TNNI3: variants seen among roughly 807,000 people sequenced by gnomAD.
TNNI3 encodes troponin I3, cardiac type, also known as troponin I, cardiac muscle.
In TNNI3, 23 loss-of-function variants were observed where a neutral mutation model predicts 31.5. The ratio of observed to expected loss-of-function variants is 0.73; its 90% CI spans 0.52 to 1.03. The LOEUF (loss-of-function observed/expected upper bound fraction) is 1.03, where lower values mean the gene tolerates loss of function less well. Ranked by LOEUF, TNNI3 falls within the 50% of genes least tolerant of loss-of-function variation. TNNI3 has a pLI of 0.00. For missense variants in TNNI3, 236 were observed against 282.9 expected (o/e 0.83, Z 1.19); for synonymous variants, 120 against 111.7 (o/e 1.07, Z -0.47).
Position 55,156,530 on chromosome 19 carries a change from G to GA in TNNI3, c.150+72dup. 6.3e-6 allele frequency: 8 copies of GA among 1,273,472 alleles called. No homozygotes were observed. Among genetic ancestry groups the GA allele is most frequent in the Non-Finnish European group, 8.3e-6 (8 of 962,664 alleles). 78.9% of individuals were successfully genotyped at this position (1,273,472 alleles called of 1,614,324 possible). On this transcript the variant is annotated intron_variant, in intron 4 of 7. Coordinates refer to ENST00000344887, the MANE Select transcript of TNNI3 (RefSeq NM_000363.5). The surrounding 1 kb of genome is among the most constrained non-coding windows in gnomAD (Gnocchi z 4.6). ...CCGCCCACTTCCGCCCACCTACCCC[G>GA]AAAGCCCCACCCATTCTCAAGCTCC...
At chr19:55,153,684 C>T (rs1173723717) in intron 7 of TNNI3, among the ~76,000 whole-genome samples, 1 of 3,836 alleles carries the variant, frequency 2.6e-4, no homozygotes, top group Admixed American at 4.1e-3. Flanking sequence ...CTCCAGCAAC[C>T]GAGATGGTGT....
rs1377313744 is a variant in TNNI3, at chr19:55,152,097, C to G, written c.550-180G>C. On this transcript the variant is annotated intron_variant, in intron 7 of 7. Coordinates refer to ENST00000344887, the MANE Select transcript of TNNI3 (RefSeq NM_000363.5). The surrounding 1 kb of genome is among the most constrained non-coding windows in gnomAD (Gnocchi z 4.0). ...CCAATTTTCCCCATGCACTTCCTGTCTCCCTCATGCACTTCCTGTCCCCCT... is the reference window on the plus strand; with the variant it reads ...CCAATTTTCCCCATGCACTTCCTGTGTCCCTCATGCACTTCCTGTCCCCCT... 1.3e-5 allele frequency among the ~76,000 whole-genome samples: 2 copies of G among 152,114 alleles called. No homozygotes were observed. The highest frequency in any genetic ancestry group is 2.4e-5 in the African/African-American group (1 of 41,410).
Position 55,156,673 on chromosome 19 carries a change from A to G in TNNI3, c.109-29T>C. On this transcript the variant is annotated intron_variant, in intron 3 of 7. Transcript: ENST00000344887. This position sits in a 1 kb window ranked among gnomAD's most constrained non-coding sequence, Gnocchi z 4.6. Reference sequence around the variant, plus strand: ...CCAGGGTGAGATGGAGCAAGGAAGGATCATGGAGGGGGATTCGGAGACGAC... The same window carrying G: ...CCAGGGTGAGATGGAGCAAGGAAGGGTCATGGAGGGGGATTCGGAGACGAC... 6.4e-7 allele frequency: 1 copy of G among 1,558,842 alleles called. No individual in the cohort carries two copies. Among genetic ancestry groups the G allele is most frequent in the South Asian group, 1.2e-5 (1 of 84,884 alleles).
Position 55,157,002 on chromosome 19 carries a change from T to C in TNNI3, c.108+48A>G, listed in dbSNP as rs1426755399. Reference sequence around the variant, plus strand: ...GCTCCTCCCCCCACTCCCAGGGTCTTGGATCCCTCCGGCGCCTGTACTCTG... The same window carrying C: ...GCTCCTCCCCCCACTCCCAGGGTCTCGGATCCCTCCGGCGCCTGTACTCTG... On this transcript the variant is annotated intron_variant, in intron 3 of 7. Transcript: ENST00000344887. This position sits in a 1 kb window ranked among gnomAD's most constrained non-coding sequence, Gnocchi z 6.3. 4 of 1,542,938 alleles carry C rather than the reference T, an allele frequency of 2.6e-6. No homozygotes were observed. Among genetic ancestry groups the C allele is most frequent in the Non-Finnish European group, 3.5e-6 (4 of 1,145,250 alleles).
intron 7 of TNNI3, 63 bp downstream of exon 7, chr19:55,153,967 G>A (rs772800951): frequency 1.4e-5 from 23 of 1,591,508 alleles, no homozygotes; most frequent in Non-Finnish European, 2.0e-5. Flanking sequence ...TCAGGCCTAG[G>A]GTTGTTGGCA....
chr19:55,157,244 C>A lies in TNNI3; in HGVS notation c.24+52G>T. On this transcript the variant is annotated intron_variant, in intron 2 of 7. Coordinates refer to ENST00000344887, the MANE Select transcript of TNNI3 (RefSeq NM_000363.5). The surrounding 1 kb of genome is among the most constrained non-coding windows in gnomAD (Gnocchi z 6.3). ...TCCCGCCCCAGACCCCTCACTGCAG[C>A]GCCCACCCTGGCCCTGGGGGTCCCA... The A allele has an allele frequency of 6.2e-7, 1 of 1,607,900 alleles. No homozygotes were observed.
In TNNI3 at chr19:55,156,776, T is replaced by C. The variant is rs73617693; in HGVS notation, c.109-132A>G. The C allele has an allele frequency of 0.018, 19,285 of 1,060,300 alleles. 1,831 individuals are homozygous for C. In the African/African-American group the frequency reaches 0.23, roughly 13 times the overall value. 65.7% of individuals were successfully genotyped at this position (1,060,300 alleles called of 1,614,324 possible). A position where few individuals can be genotyped will look rare whatever the true frequency, so the allele number is the denominator to read the frequency against. On this transcript the variant is annotated intron_variant, in intron 3 of 7. Coordinates refer to ENST00000344887, the MANE Select transcript of TNNI3 (RefSeq NM_000363.5). This position sits in a 1 kb window ranked among gnomAD's most constrained non-coding sequence, Gnocchi z 4.6. ...GCCCACGTCCAACTTGAGCCCTGAG[T>C]CTACGGGAGGCCACGCCCCTCATTC...
chr19:55,156,419 C>T lies in TNNI3; in HGVS notation c.151-87G>A, dbSNP rs1374399948. On this transcript the variant is annotated intron_variant, in intron 4 of 7. Transcript: ENST00000344887. This position sits in a 1 kb window ranked among gnomAD's most constrained non-coding sequence, Gnocchi z 4.6. ...GGGAACCGCCTCTGCCCTTCTAAACCCTCCAGTTTGGTCTCCACTGTTCCA... is the reference window on the plus strand; with the variant it reads ...GGGAACCGCCTCTGCCCTTCTAAACTCTCCAGTTTGGTCTCCACTGTTCCA... The T allele has an allele frequency of 2.0e-6, 3 of 1,535,070 alleles. No individual in the cohort carries two copies. The highest frequency in any genetic ancestry group is 1.2e-5 in the South Asian group (1 of 84,050).
In TNNI3 at chr19:55,157,095, G is replaced by C. The variant is rs1555864377; in HGVS notation, c.63C>G (p.Arg21=). ...EPRPAPAPIR[R]RSSNYRAYAT... Reference sequence around the variant, plus strand: ...CATAAGCGCGGTAGTTGGAGGAGCGGCGTCTGATTGGGGCTGGTGCAGGGC... The same window carrying C: ...CATAAGCGCGGTAGTTGGAGGAGCGCCGTCTGATTGGGGCTGGTGCAGGGC... The change falls in exon 3 of 8, where the codon CGC becomes CGG. Residue 21 remains arginine (R), a synonymous_variant. Coordinates refer to ENST00000344887, the MANE Select transcript of TNNI3 (RefSeq NM_000363.5). The surrounding 1 kb of genome is among the most constrained non-coding windows in gnomAD (Gnocchi z 6.3). The C allele has an allele frequency of 5.0e-6, 8 of 1,602,812 alleles. No homozygotes were observed. The highest frequency in any genetic ancestry group is 6.8e-6 in the Non-Finnish European group (8 of 1,176,496).
chr19:55,154,155 G>T lies in TNNI3; in HGVS notation c.424C>A (p.Pro142Thr). The change falls in exon 7 of 8, where the codon CCC becomes ACC. Residue 142 changes from proline (P) to threonine (T), a missense_variant. Transcript: ENST00000344887. ...IFDLRGKFKR[P>T]TLRRVRISAD... ...GAGATCCTCACTCTCCGCAGGGTGGGCCGCTTAAACTTGCCTCGAAGGTCA... is the reference window on the plus strand; with the variant it reads ...GAGATCCTCACTCTCCGCAGGGTGGTCCGCTTAAACTTGCCTCGAAGGTCA... 1 of 1,613,140 alleles carries T rather than the reference G, an allele frequency of 6.2e-7. No individual in the cohort carries two copies. The highest frequency in any genetic ancestry group is 8.5e-7 in the Non-Finnish European group (1 of 1,180,006).
intron 7 of TNNI3, among the ~76,000 whole-genome samples, chr19:55,153,306 G>A (rs1279613504): frequency 6.6e-6 from 1 of 152,128 alleles, no homozygotes; most frequent in African/African-American, 2.4e-5. Context: ...AGGTATGTAT[G>A]TGTGTATAGG....
chr19:55,154,595 C>A, intron 6 of TNNI3, 146 bp downstream of exon 6: 1 of 754,426 alleles, frequency 1.3e-6, no homozygotes, highest in Non-Finnish European at 2.4e-6. Flanking sequence ...TTGTACTCAT[C>A]CTTCTGCCCC....
Position 55,157,327 on chromosome 19 carries a change from A to T in TNNI3, c.12-19T>A. On this transcript the variant is annotated intron_variant, in intron 1 of 7. Transcript: ENST00000344887. This position sits in a 1 kb window ranked among gnomAD's most constrained non-coding sequence, Gnocchi z 6.3. ...GCTGCTCCTGGAAGGAGAGAAACCA[A>T]GGAGGGGGGTTAGTGGTGGGCTGTG... is the stretch of plus-strand genomic sequence containing the variant. 6.2e-7 allele frequency: 1 copy of T among 1,608,894 alleles called. No homozygotes were observed. Among genetic ancestry groups the T allele is most frequent in the African/African-American group, 1.4e-5 (1 of 72,206 alleles).
In TNNI3 at chr19:55,157,157, C is replaced by G; in HGVS notation, c.25-24G>C. On this transcript the variant is annotated intron_variant, in intron 2 of 7. Coordinates refer to ENST00000344887, the MANE Select transcript of TNNI3 (RefSeq NM_000363.5). This position sits in a 1 kb window ranked among gnomAD's most constrained non-coding sequence, Gnocchi z 6.3. Reference sequence around the variant, plus strand: ...GCCTGGGTTAGGAGGAGTGGGGACCCCATCACCACCAAGACCCCACCCAGC... The same window carrying G: ...GCCTGGGTTAGGAGGAGTGGGGACCGCATCACCACCAAGACCCCACCCAGC... The G allele has an allele frequency of 6.3e-7, 1 of 1,591,646 alleles. No individual in the cohort carries two copies. The highest frequency in any genetic ancestry group is 8.5e-7 in the Non-Finnish European group (1 of 1,170,638).
At chr19:55,154,459 C>A in intron 6 of TNNI3, 1 of 621,698 alleles carries the variant, frequency 1.6e-6, no homozygotes, top group Admixed American at 2.6e-5. Flanking sequence ...AATTCCCTGG[C>A]CAGTGCCTGA....
chr19:55,154,640 T>G, intron 6 of TNNI3, 101 bp downstream of exon 6: 1 of 1,004,192 alleles, frequency 1.0e-6, no homozygotes, highest in East Asian at 2.5e-5. Context: ...CTGGGTCTCC[T>G]GGGATGTGCA....
rs73617692 is a variant in TNNI3 at position 55,156,590 on chromosome 19, C to A, written c.150+13G>T. On this transcript the variant is annotated intron_variant, in intron 4 of 7. Transcript: ENST00000344887. The surrounding 1 kb of genome is among the most constrained non-coding windows in gnomAD (Gnocchi z 4.6). ...GCACCTGCCTGCTCTTTCCCAGTCC[C>A]GCCCGTCCTCACCTTCAGCTGCAAT... 16 of 1,560,074 alleles carry A rather than the reference C, an allele frequency of 1.0e-5. No individual in the cohort carries two copies. In the South Asian group the frequency reaches 1.8e-4, roughly 17 times the overall value.
At position 55,157,637 on chromosome 19, in the gene TNNI3, C is replaced by A. The variant is rs1318845840; in HGVS notation, c.-48G>T. The A allele has an allele frequency of 6.2e-7, 1 of 1,612,956 alleles. No individual in the cohort carries two copies. The highest frequency in any genetic ancestry group is 1.7e-5 in the Admixed American group (1 of 59,934). On this transcript the variant is annotated 5_prime_UTR_variant, in exon 1 of 8. Coordinates refer to ENST00000344887, the MANE Select transcript of TNNI3 (RefSeq NM_000363.5). This position sits in a 1 kb window ranked among gnomAD's most constrained non-coding sequence, Gnocchi z 6.3. Reference sequence around the variant, plus strand: ...GCAGGAGGCAGGGCGAGGACAGGGGCGTTTGGAGGGTCAGTGAGGGGGCCG... The same window carrying A: ...GCAGGAGGCAGGGCGAGGACAGGGGAGTTTGGAGGGTCAGTGAGGGGGCCG...
chr19:55,157,702 T>C lies in TNNI3; in HGVS notation c.-113A>G, dbSNP rs538294792. ...AGGGTCCCAGGGACCGTCAGTCTCC[T>C]CCGGGCTGCTTGAGACTCCCCGAGG... On this transcript the variant is annotated 5_prime_UTR_variant, in exon 1 of 8. Coordinates refer to ENST00000344887, the MANE Select transcript of TNNI3 (RefSeq NM_000363.5). The surrounding 1 kb of genome is among the most constrained non-coding windows in gnomAD (Gnocchi z 6.3). The C allele has an allele frequency of 2.3e-6, 3 of 1,292,414 alleles. No homozygotes were observed. In the Admixed American group the frequency reaches 5.3e-5, roughly 23 times the overall value. The allele number at this position is 1,292,414 out of a possible 1,614,324, so 80.1% of individuals were successfully genotyped here. A position where few individuals can be genotyped will look rare whatever the true frequency, so the allele number is the denominator to read the frequency against.
Sources: gnomAD v4.1 joint callset for allele counts (sites outside exome capture counted in the v4.1 genomes callset) on GRCh38, gnomAD v4.1.1 for gene constraint, Gnocchi (gnomAD v3.1) non-coding constraint, MANE v1.5 for transcripts, NCBI Gene and HGNC (gene_info 2026-07-23, HGNC 2026-07-21) for gene names.